The following SMYD3 variants were observed in gnomAD, a reference collection of about 807,000 sequenced individuals.
The protein encoded by SMYD3 is SET and MYND domain containing 3.
SMYD3 carries 36 observed loss-of-function variants against 57.7 expected under a neutral mutation model. The ratio of observed to expected loss-of-function variants is 0.62; its 90% CI spans 0.48 to 0.82. SMYD3 has a LOEUF of 0.82. Ranked by LOEUF, SMYD3 falls within the 40% of genes least tolerant of loss-of-function variation. The pLI, the probability that SMYD3 is intolerant of heterozygous loss-of-function variation, is 0.00. For synonymous variants in SMYD3, 211 were observed against 195.0 expected (o/e 1.08, Z -0.68); for missense variants, 515 against 538.8 (o/e 0.96, Z 0.44).
At chr1:245,776,690 T>C (rs373686608) in intron 10 of SMYD3, among the ~76,000 whole-genome samples, 1 of 152,194 alleles carries the variant, frequency 6.6e-6, no homozygotes, top group African/African-American at 2.4e-5. Context: ...AGGTGCCGTA[T>C]TGTGGTGCTG....
intron 1 of SMYD3, among the ~76,000 whole-genome samples, chr1:246,397,191 G>A (rs1013170440): frequency 5.3e-5 from 8 of 152,126 alleles, no homozygotes; most frequent in East Asian, 1.9e-4. Flanking sequence ...TCAGATCAGC[G>A]GCAGCATTAG....
intron 5 of SMYD3, among the ~76,000 whole-genome samples, chr1:246,257,993 C>A (rs1176183760): frequency 1.3e-5 from 2 of 152,246 alleles, no homozygotes; most frequent in East Asian, 3.9e-4. Flanking sequence ...GCTTGCAGAA[C>A]CATAAGTCAA....
intron 10 of SMYD3, among the ~76,000 whole-genome samples, chr1:245,843,586 A>G (rs957902806): frequency 6.6e-6 from 1 of 151,414 alleles, no homozygotes; most frequent in African/African-American, 2.4e-5. Flanking sequence ...GTGTATGTGC[A>G]TATACATATA....
chr1:246,346,447 A>G (rs1312450391), intron 2 of SMYD3, among the ~76,000 whole-genome samples: 1 of 143,398 alleles, frequency 7.0e-6, no homozygotes, highest in African/African-American at 2.6e-5. Flanking sequence ...TTATGCTGCT[A>G]TGAAAAAATA....
intron 1 of SMYD3, among the ~76,000 whole-genome samples, chr1:246,444,024 T>C (rs1039677547): frequency 5.3e-5 from 8 of 152,094 alleles, no homozygotes; most frequent in Non-Finnish European, 1.2e-4. Context: ...AGAAATAAGG[T>C]ATGGAGTCCT....
intron 5 of SMYD3, among the ~76,000 whole-genome samples, chr1:246,288,692 C>A (rs954732428): frequency 1.3e-5 from 2 of 152,048 alleles, no homozygotes; most frequent in African/African-American, 4.8e-5. Flanking sequence ...GACAAGCTAC[C>A]CAAGGACTTT....
intron 5 of SMYD3, among the ~76,000 whole-genome samples, chr1:246,191,092 C>T (rs1443647081): frequency 1.3e-5 from 2 of 152,210 alleles, no homozygotes; most frequent in South Asian, 2.1e-4. Context: ...ACGCACCTCA[C>T]GGTGCATTCT....
At chr1:245,796,797 T>A (rs982709686) in intron 10 of SMYD3, among the ~76,000 whole-genome samples, 2 of 152,220 alleles carry the variant, frequency 1.3e-5, no homozygotes, top group Non-Finnish European at 2.9e-5. Flanking sequence ...GACAGCTAGA[T>A]CACTGCTCCA....
At chr1:245,868,863 G>C (rs1452266779) in intron 8 of SMYD3, among the ~76,000 whole-genome samples, 3 of 152,096 alleles carry the variant, frequency 2.0e-5, no homozygotes, top group Non-Finnish European at 4.4e-5. Flanking sequence ...TCCACACCAG[G>C]CTGGAGGAAA....
chr1:246,293,491 C>T (rs902570725), intron 5 of SMYD3, among the ~76,000 whole-genome samples: 9 of 152,116 alleles, frequency 5.9e-5, no homozygotes, highest in African/African-American at 1.2e-4. Context: ...TAGTATAACA[C>T]GCACATTAGC....
At chr1:246,044,812 A>T (rs1484792273) in intron 5 of SMYD3, among the ~76,000 whole-genome samples, 1 of 152,188 alleles carries the variant, frequency 6.6e-6, no homozygotes, top group East Asian at 1.9e-4. Context: ...CTCAGTGGTG[A>T]AGTGTTAAAG....
intron 1 of SMYD3, among the ~76,000 whole-genome samples, chr1:246,442,670 A>G (rs902192787): frequency 4.6e-5 from 7 of 152,214 alleles, no homozygotes; most frequent in African/African-American, 1.7e-4. Context: ...GTGAAATTGG[A>G]GACCAGTTGG....
chr1:245,848,773 C>T (rs983667949), intron 10 of SMYD3, among the ~76,000 whole-genome samples: 10 of 151,926 alleles, frequency 6.6e-5, no homozygotes, highest in South Asian at 2.1e-4. Context: ...GCAAGGTAGA[C>T]GGGGAATAAG....
intron 1 of SMYD3, among the ~76,000 whole-genome samples, chr1:246,421,043 T>G (rs2067135955): frequency 6.6e-6 from 1 of 152,184 alleles, no homozygotes; most frequent in Non-Finnish European, 1.5e-5. Context: ...TCTCTAATGT[T>G]TACACTGTAT....
chr1:246,282,462 C>T (rs1037807605), intron 5 of SMYD3, among the ~76,000 whole-genome samples: 18 of 150,500 alleles, frequency 1.2e-4, no homozygotes, highest in African/African-American at 4.1e-4. Context: ...GCCAAGGTGG[C>T]GTCACTGTGC....
At chr1:246,113,294 T>C (rs1299617855) in intron 5 of SMYD3, among the ~76,000 whole-genome samples, 11 of 152,072 alleles carry the variant, frequency 7.2e-5, no homozygotes, top group Admixed American at 7.2e-4. Flanking sequence ...AATATACCTT[T>C]TAAGGATCAA....
chr1:246,352,660 T>C (rs1264199512), intron 2 of SMYD3, among the ~76,000 whole-genome samples: 1 of 152,200 alleles, frequency 6.6e-6, no homozygotes, highest in African/African-American at 2.4e-5. Context: ...TTGTTATTGA[T>C]GCCACAGTAA....
chr1:246,067,739 T>C (rs949879179), intron 5 of SMYD3, among the ~76,000 whole-genome samples: 2 of 152,138 alleles, frequency 1.3e-5, no homozygotes, highest in Non-Finnish European at 2.9e-5. Flanking sequence ...ACAGCGACGA[T>C]TTACATCTCC....
chr1:245,985,764 C>T (rs1324354732), intron 5 of SMYD3, among the ~76,000 whole-genome samples: 1 of 151,916 alleles, frequency 6.6e-6, no homozygotes, highest in East Asian at 1.9e-4. Context: ...CAATGGAAAA[C>T]TTCTATATAT....
Sources: allele counts gnomAD v4.1 joint callset (sites outside exome capture counted in the v4.1 genomes callset), GRCh38; gene constraint gnomAD v4.1.1; transcripts MANE v1.5; gene names NCBI Gene and HGNC (gene_info 2026-07-23, HGNC 2026-07-21).